GNPTAB: variants seen among roughly 807,000 people sequenced by gnomAD.
The protein encoded by GNPTAB is N-acetylglucosamine-1-phosphate transferase subunits alpha and beta, also known as N-acetylglucosamine-1-phosphotransferase subunits alpha/beta.
GNPTAB carries 92 observed loss-of-function variants against 136.6 expected under a neutral mutation model. That is an observed-to-expected ratio of 0.67 (90% confidence interval 0.57 to 0.80). The LOEUF is 0.80. Ranked by LOEUF, GNPTAB falls within the 30% of genes least tolerant of loss-of-function variation. The pLI is 0.00. For synonymous variants in GNPTAB, 512 were observed against 535.1 expected, an observed-to-expected ratio of 0.96 and a Z score of 0.60; for missense variants, 1,343 against 1,501.8, an observed-to-expected ratio of 0.89 and a Z score of 1.75.
chr12:101,766,276 C>G lies in GNPTAB; in HGVS notation c.1427G>C (p.Arg476Pro), dbSNP rs1224060861. 6.2e-7 allele frequency: 1 copy of G among 1,613,714 alleles called. No homozygotes were observed. Among genetic ancestry groups the G allele is most frequent in the Non-Finnish European group, 8.5e-7 (1 of 1,179,698 alleles). ...AGTACCTCCACCTCCTGCAATATAG[C>G]GACTCCCTCCACTGTTTCCTGTAGA... ...GDCSGNSGGS[R>P]YIAGGGGTGS... Residue 476 changes from arginine (R) to proline (P), a missense_variant, in exon 12 of 21, where the codon CGC becomes CCC. Physicochemically the swap from Arg to Pro is moderately radical, Grantham distance 103. Coordinates refer to ENST00000299314, the MANE Select transcript of GNPTAB (RefSeq NM_024312.5).
chr12:101,816,155 C>G (rs1299309994), intron 1 of GNPTAB, among the ~76,000 whole-genome samples: 1 of 151,912 alleles, frequency 6.6e-6, no homozygotes, highest in African/African-American at 2.4e-5. Flanking sequence ...GGAGTAAGAC[C>G]TAAAGAGAAT....
At chr12:101,810,884 G>C (rs1870195260) in intron 1 of GNPTAB, among the ~76,000 whole-genome samples, 1 of 152,178 alleles carries the variant, frequency 6.6e-6, no homozygotes, top group Admixed American at 6.5e-5. Flanking sequence ...GATCTGGGGG[G>C]AGTGCTCTCC....
chr12:101,830,808 T>G lies in GNPTAB; in HGVS notation c.-133A>C. 1 of 320,418 alleles carries G rather than the reference T, an allele frequency of 3.1e-6. No homozygotes were observed. 19.8% of individuals were successfully genotyped at this position (320,418 alleles called of 1,614,324 possible). A position where few individuals can be genotyped will look rare whatever the true frequency, so the allele number is the denominator to read the frequency against. Reference sequence around the variant, plus strand: ...GGTCACAGCCTCCGGGCGCCGCTCATTGCAGCTCCGGCGACGGACGCCCGC... The same window carrying G: ...GGTCACAGCCTCCGGGCGCCGCTCAGTGCAGCTCCGGCGACGGACGCCCGC... On this transcript the variant is annotated 5_prime_UTR_variant, in exon 1 of 21. The change abolishes an upstream ATG in the 5' untranslated region. Coordinates refer to ENST00000299314, the MANE Select transcript of GNPTAB (RefSeq NM_024312.5).
At chr12:101,787,652 CG>C in intron 4 of GNPTAB, among the ~76,000 whole-genome samples, 1 of 152,204 alleles carries the variant, frequency 6.6e-6, no homozygotes, top group East Asian at 1.9e-4. Context: ...CGGTGACTCA[CG>C]CCTGTAATCC....
chr12:101,782,321 TAA>T (rs1315215411), intron 5 of GNPTAB, among the ~76,000 whole-genome samples: 1 of 152,184 alleles, frequency 6.6e-6, no homozygotes, highest in South Asian at 2.1e-4. Flanking sequence ...TTTAAAAAGA[TAA>T]GTTTTACTCA....
intron 1 of GNPTAB, among the ~76,000 whole-genome samples, chr12:101,807,451 A>C (rs1869984561): frequency 6.6e-6 from 1 of 152,200 alleles, no homozygotes; most frequent in Admixed American, 6.5e-5. Flanking sequence ...TAAGACAAAA[A>C]AAGGAAATAA....
chr12:101,830,702 C>G lies in GNPTAB; in HGVS notation c.-27G>C. 2 of 1,429,898 alleles carry G rather than the reference C, an allele frequency of 1.4e-6. No individual in the cohort carries two copies. The highest frequency in any genetic ancestry group is 1.9e-6 in the Non-Finnish European group (2 of 1,035,894). The allele number at this position is 1,429,898 out of a possible 1,614,324, so 88.6% of individuals were successfully genotyped here. On this transcript the variant is annotated 5_prime_UTR_variant, in exon 1 of 21. Transcript: ENST00000299314. The stretch of plus-strand genomic sequence containing the variant: ...ACCCCTTCACCGCCACGCCACGCCC[C>G]GAGGAGCCTGAGCCGCCGCCGCCGC...
At chr12:101,787,039 C>G (rs1350416135) in intron 4 of GNPTAB, among the ~76,000 whole-genome samples, 1 of 152,162 alleles carries the variant, frequency 6.6e-6, no homozygotes, top group Non-Finnish European at 1.5e-5. Context: ...GTATGCTTGT[C>G]TAATACACAT....
chr12:101,828,701 A>T (rs982180496), intron 1 of GNPTAB, among the ~76,000 whole-genome samples: 4 of 147,534 alleles, frequency 2.7e-5, no homozygotes, highest in African/African-American at 7.6e-5. Flanking sequence ...AAAAACAAAC[A>T]AAAAAAAAAG....
intron 1 of GNPTAB, among the ~76,000 whole-genome samples, chr12:101,820,420 A>G (rs2137185163): frequency 6.6e-6 from 1 of 152,308 alleles, no homozygotes; most frequent in South Asian, 2.1e-4. Context: ...ACCTAGTCCC[A>G]GGCCAGTCCT....
At position 101,764,342 on chromosome 12, in the gene GNPTAB, T is replaced by C; in HGVS notation, c.2575A>G (p.Asn859Asp). 1 of 1,614,152 alleles carries C rather than the reference T, an allele frequency of 6.2e-7. No individual in the cohort carries two copies. Among genetic ancestry groups the C allele is most frequent in the Non-Finnish European group, 8.5e-7 (1 of 1,180,022 alleles). Residue 859 changes from asparagine to aspartate, a missense_variant, in exon 13 of 21, where the codon AAC (asparagine) becomes GAC (aspartate). Physicochemically the swap from Asn to Asp is conservative, Grantham distance 23 (BLOSUM62 1). Transcript: ENST00000299314. ...EKKITGKEKE[N>D]SRMEENAENH... ...TCAGCATTTTCCTCCATTCTACTGTTCTCTTTTTCTTTCCCTGTGATTTTC... is the reference window on the plus strand; with the variant it reads ...TCAGCATTTTCCTCCATTCTACTGTCCTCTTTTTCTTTCCCTGTGATTTTC...
chr12:101,763,716 T>C (rs1317350214), intron 13 of GNPTAB, among the ~76,000 whole-genome samples: 2 of 152,170 alleles, frequency 1.3e-5, no homozygotes, highest in East Asian at 1.9e-4. Flanking sequence ...GTGAGAGCAC[T>C]GAGGAGAGGT....
chr12:101,797,741 G>A (rs1402349771), intron 1 of GNPTAB, among the ~76,000 whole-genome samples: 1 of 152,196 alleles, frequency 6.6e-6, no homozygotes, highest in Non-Finnish European at 1.5e-5. Flanking sequence ...AAAATGGAAA[G>A]CTTTAGATAG....
In GNPTAB at chr12:101,746,370, C is replaced by T. The variant is rs1462162913; in HGVS notation, c.*794G>A. ...CTGTAATGTGCCAGTGCCATCAGCA[C>T]TACTCATTTCTAAAATGAGGCACTT... On this transcript the variant is annotated 3_prime_UTR_variant, in exon 21 of 21. Coordinates refer to ENST00000299314, the MANE Select transcript of GNPTAB (RefSeq NM_024312.5). 2.0e-5 allele frequency: 3 copies of T among 152,274 alleles called. No homozygotes were observed. Among genetic ancestry groups the T allele is most frequent in the African/African-American group, 7.2e-5 (3 of 41,478 alleles). The allele number at this position is 152,274 out of a possible 1,614,324, so 9.4% of individuals were successfully genotyped here.
intron 7 of GNPTAB, chr12:101,779,874 GT>G (rs1025046687): frequency 1.7e-5 from 8 of 458,560 alleles, no homozygotes; most frequent in African/African-American, 1.6e-4. Context: ...GCTAAGCAGG[GT>G]TGGGCCTGGT....
intron 15 of GNPTAB, 144 bp from the exon 16 acceptor site, chr12:101,760,287 A>G: frequency 1.5e-6 from 1 of 650,074 alleles, no homozygotes; most frequent in Admixed American, 2.5e-5. Flanking sequence ...CTTAAGATAA[A>G]GGCACTCTAA....
intron 2 of GNPTAB, chr12:101,796,058 G>A (rs1430751442): frequency 1.7e-5 from 10 of 579,370 alleles, no homozygotes; most frequent in Non-Finnish European, 3.1e-5. Flanking sequence ...CACTAATGAG[G>A]TATGAGGCTA....
chr12:101,750,227 G>T (rs1216789613), intron 19 of GNPTAB, among the ~76,000 whole-genome samples: 1 of 152,154 alleles, frequency 6.6e-6, no homozygotes, highest in Non-Finnish European at 1.5e-5. Context: ...CATAGGTTTG[G>T]AAGATATGCT....
At chr12:101,826,882 C>CTTGGAT (rs1871109300) in intron 1 of GNPTAB, among the ~76,000 whole-genome samples, 1 of 151,364 alleles carries the variant, frequency 6.6e-6, no homozygotes, top group Non-Finnish European at 1.5e-5. Flanking sequence ...TACCTGCTAC[C>CTTGGAT]TACAGTCCAA....
Sources: allele counts gnomAD v4.1 joint callset (sites outside exome capture counted in the v4.1 genomes callset), GRCh38; gene constraint gnomAD v4.1.1; transcripts MANE v1.5; gene names NCBI Gene and HGNC (gene_info 2026-07-23, HGNC 2026-07-21).